AFF2: variants seen among roughly 807,000 people sequenced by gnomAD.
The protein encoded by AFF2 is AF4/FMR2 family member 2.
Under a neutral mutation model 76.9 loss-of-function variants are expected in AFF2, and 14 were observed. The observed-to-expected ratio is 0.18, with a 90% CI of 0.12 to 0.28. The LOEUF (loss-of-function observed/expected upper bound fraction) is 0.28. AFF2 is among the 10% of genes least tolerant of loss of function. The pLI, the probability that AFF2 is intolerant of heterozygous loss-of-function variation, is 1.00. For missense variants in AFF2, 868 were observed against 1,001.1 expected, an observed-to-expected ratio of 0.87 and a Z score of 1.79; for synonymous variants, 398 against 366.7, an observed-to-expected ratio of 1.09 and a Z score of -0.98.
chrX:148,579,435 A>G (rs1391999942), intron 1 of AFF2, among the ~76,000 whole-genome samples: 1 of 110,424 alleles, frequency 9.1e-6, no homozygotes, highest in Non-Finnish European at 1.9e-5. Flanking sequence ...AACACAATTT[A>G]GTTTGGTGAA....
intron 1 of AFF2, among the ~76,000 whole-genome samples, chrX:148,637,641 A>G (rs2054045571): frequency 8.9e-6 from 1 of 112,510 alleles, no homozygotes; most frequent in South Asian, 3.6e-4. Context: ...TTTTATTTTT[A>G]CTCAATGTAT....
rs141373418 is a variant in AFF2, at chrX:148,607,347, G to A, written c.48-44652G>A. On this transcript the variant is annotated intron_variant, in intron 1 of 20. Coordinates refer to ENST00000370460, the MANE Select transcript of AFF2 (RefSeq NM_002025.4). ...TCCCCATGTGTCATGGGAGGGACCC[G>A]GTTGGAGGTAATTTAATCATAGGGG... Among the ~76,000 whole-genome samples, 292 of 111,099 alleles carry A rather than the reference G, an allele frequency of 2.6e-3. 1 individual carries two copies. The highest frequency in any genetic ancestry group is 9.0e-3 in the African/African-American group (276 of 30,563).
intron 1 of AFF2, among the ~76,000 whole-genome samples, chrX:148,607,164 A>C (rs1402528470): frequency 9.0e-6 from 1 of 111,593 alleles, no homozygotes; most frequent in African/African-American, 3.3e-5. Context: ...AGCTAGTAAA[A>C]GCTCTTGCCC....
At chrX:148,612,014 G>C (rs2053738659) in intron 1 of AFF2, among the ~76,000 whole-genome samples, 2 of 111,459 alleles carry the variant, frequency 1.8e-5, no homozygotes, top group African/African-American at 3.3e-5. Context: ...CTTTTGTTCT[G>C]GGATTTATTT....
At chrX:148,533,063 C>T (rs2052746886) in intron 1 of AFF2, among the ~76,000 whole-genome samples, 1 of 111,723 alleles carries the variant, frequency 9.0e-6, no homozygotes, top group South Asian at 3.8e-4. Context: ...GCTCTATCAC[C>T]ACTGAACAGA....
intron 15 of AFF2, 104 bp from the exon 16 acceptor site, chrX:148,973,367 T>G: frequency 3.0e-6 from 3 of 1,006,960 alleles, no homozygotes; most frequent in Non-Finnish European, 4.1e-6. Flanking sequence ...TGCCAAATGT[T>G]CCCTGTGGGA....
intron 4 of AFF2, among the ~76,000 whole-genome samples, chrX:148,827,652 A>G (rs961041070): frequency 8.9e-6 from 1 of 112,197 alleles, no homozygotes; most frequent in Non-Finnish European, 1.9e-5. Flanking sequence ...CTCTAAAAAA[A>G]ATCAACTTTG....
intron 1 of AFF2, among the ~76,000 whole-genome samples, chrX:148,649,665 A>T (rs1174778349): frequency 2.7e-5 from 3 of 112,439 alleles, no homozygotes; most frequent in African/African-American, 9.7e-5. Flanking sequence ...CCTCCTAACA[A>T]ATCAAAGCCA....
At chrX:148,885,849 T>TA in intron 7 of AFF2, 40 bp from the exon 8 acceptor site, 1 of 1,068,423 alleles carries the variant, frequency 9.4e-7, no homozygotes, top group East Asian at 3.0e-5. Context: ...ATTTAGAAAA[T>TA]ATGCCTTCTA....
At chrX:148,780,317 TC>T (rs1276854607) in intron 3 of AFF2, among the ~76,000 whole-genome samples, 2 of 111,774 alleles carry the variant, frequency 1.8e-5, no homozygotes, top group East Asian at 5.6e-4. Flanking sequence ...GGGGAGGTTC[TC>T]CTGGATAATA....
intron 14 of AFF2, among the ~76,000 whole-genome samples, chrX:148,967,344 A>T (rs1174840757): frequency 2.7e-5 from 3 of 111,887 alleles, no homozygotes; most frequent in Non-Finnish European, 5.6e-5. Context: ...GTCCTCACAT[A>T]TAACCAACAC....
chrX:148,731,441 AC>A (rs1473618255), intron 3 of AFF2, among the ~76,000 whole-genome samples: 4 of 111,864 alleles, frequency 3.6e-5, no homozygotes, highest in African/African-American at 1.3e-4. Context: ...TGCAACCCCT[AC>A]CTTTTCTCAG....
At chrX:148,540,407 C>CTT (rs113746311) in intron 1 of AFF2, among the ~76,000 whole-genome samples, 1,226 of 94,076 alleles carry the variant, frequency 0.013, 26 homozygotes, top group African/African-American at 0.044. Context: ...AAAAAGTGAC[C>CTT]TTTTTTTTTT....
intron 3 of AFF2, among the ~76,000 whole-genome samples, chrX:148,721,828 C>T (rs241085): frequency 0.027 from 3,076 of 111,948 alleles, 48 homozygotes; most frequent in Non-Finnish European, 0.039. Flanking sequence ...ATTTTGGTAG[C>T]CCCGGGCGTT....
At chrX:148,953,202 A>G (rs782233097) in intron 9 of AFF2, among the ~76,000 whole-genome samples, 61 of 112,284 alleles carry the variant, frequency 5.4e-4, no homozygotes, top group African/African-American at 2.0e-3. Flanking sequence ...GGCAACAAAA[A>G]ATGAAAAACT....
At position 148,581,339 on chromosome X, in the gene AFF2, CGTATACGTGTACACACATATATACGTA is replaced by C; in HGVS notation, c.48-70659_48-70633del. ...ACGTGTACACACATATATACGTATA[CGTATACGTGTACACACATATATACGTA>C]TACGTGTACACACATATACACGTAT... On this transcript the variant is annotated intron_variant, in intron 1 of 20. Transcript: ENST00000370460. Among the ~76,000 whole-genome samples, 2 of 98,488 alleles carry C rather than the reference CGTATACGTGTACACACATATATACGTA, an allele frequency of 2.0e-5. 1 individual carries two copies. Among genetic ancestry groups the C allele is most frequent in the African/African-American group, 7.5e-5 (2 of 26,746 alleles). The allele number at this position is 98,488 out of a possible 115,157, so 85.5% of individuals were successfully genotyped here.
intron 1 of AFF2, among the ~76,000 whole-genome samples, chrX:148,575,307 A>C (rs1378654221): frequency 9.0e-6 from 1 of 111,356 alleles, no homozygotes; most frequent in East Asian, 2.8e-4. Context: ...TTAATTCACG[A>C]AAAGGAGTAT....
chrX:148,866,371 A>G (rs1288144117), intron 7 of AFF2, among the ~76,000 whole-genome samples: 2 of 112,690 alleles, frequency 1.8e-5, no homozygotes, highest in African/African-American at 6.4e-5. Context: ...AAAAAAAGAA[A>G]GAAGCTGTAT....
At chrX:148,600,735 G>A (rs2053618265) in intron 1 of AFF2, among the ~76,000 whole-genome samples, 1 of 112,061 alleles carries the variant, frequency 8.9e-6, no homozygotes, top group Admixed American at 9.4e-5. Context: ...GTTCTTAGGA[G>A]TTCACCTCCT....
Sources: allele counts gnomAD v4.1 joint callset (sites outside exome capture counted in the v4.1 genomes callset), GRCh38; gene constraint gnomAD v4.1.1; transcripts MANE v1.5; gene names NCBI Gene and HGNC (gene_info 2026-07-23, HGNC 2026-07-21).